Variants in ARSG observed in about 807,000 individuals in gnomAD.
ARSG encodes the protein arylsulfatase G.
ARSG carries 37 observed loss-of-function variants against 50.5 expected under a neutral mutation model. The ratio of observed to expected loss-of-function variants is 0.73; its 90% CI spans 0.56 to 0.96. The LOEUF is 0.96. ARSG is among the 50% of genes least tolerant of loss of function. The probability of loss-of-function intolerance (pLI) is 0.00; values close to 1 mark genes in which losing one functional copy is unlikely to be tolerated. For missense variants in ARSG, 629 were observed against 675.3 expected (o/e 0.93, Z 0.76); for synonymous variants, 225 against 254.6 (o/e 0.88, Z 1.11).
intron 2 of ARSG, among the ~76,000 whole-genome samples, chr17:68,339,087 A>T (rs1568487374): frequency 6.8e-6 from 1 of 148,032 alleles, no homozygotes; most frequent in African/African-American, 2.5e-5. Flanking sequence ...AGTTTGTAGG[A>T]TTTTTTTTTT....
rs776848995 is a variant in ARSG, at chr17:68,420,483, C to T, written c.*20C>T. 4 of 1,600,714 alleles carry T rather than the reference C, an allele frequency of 2.5e-6. No homozygotes were observed. The highest frequency in any genetic ancestry group is 2.2e-5 in the East Asian group (1 of 44,598). On this transcript the variant is annotated 3_prime_UTR_variant, in exon 12 of 12. Coordinates refer to ENST00000621439, the MANE Select transcript of ARSG (RefSeq NM_001267727.2). ...GCATAACAGACCAATTTTTATTCCA[C>T]GAGGAGGAGTACCTGGAAATTAGGC... is the stretch of plus-strand genomic sequence containing the variant.
At chr17:68,427,058 G>A, downstream of ARSG, 1 of 1,228,110 alleles carries the variant, frequency 8.1e-7, no homozygotes, top group Non-Finnish European at 1.2e-6. Flanking sequence ...GAAGGGGGAA[G>A]GGGAGGGAGC....
the ARSG span, among the ~76,000 whole-genome samples, chr17:68,440,549 G>A: frequency 6.6e-6 from 1 of 152,150 alleles, no homozygotes; most frequent in East Asian, 1.9e-4. Flanking sequence ...TCACTGTTCT[G>A]AACATCTGAG....
At chr17:68,272,242 ATT>A (rs1375238250) in intron 1 of ARSG, among the ~76,000 whole-genome samples, 1 of 122,710 alleles carries the variant, frequency 8.1e-6, no homozygotes, top group Non-Finnish European at 1.8e-5. Context: ...TCAGTTACAG[ATT>A]TTGTTTTGAG....
intron 2 of ARSG, among the ~76,000 whole-genome samples, chr17:68,334,963 G>A (rs1432775908): frequency 1.3e-5 from 2 of 152,144 alleles, no homozygotes; most frequent in Non-Finnish European, 2.9e-5. Context: ...ACCTCTCAAT[G>A]GGAGGCATGT....
At chr17:68,392,555 A>T (rs2081044484) in intron 9 of ARSG, among the ~76,000 whole-genome samples, 4 of 152,128 alleles carry the variant, frequency 2.6e-5, no homozygotes. Context: ...GCTGGAGTGC[A>T]GTGGTGCAAT....
chr17:68,433,760 G>GTTTTTTTTTTTTTTTTTTT, the ARSG span, among the ~76,000 whole-genome samples: 1 of 72,814 alleles, frequency 1.4e-5, no homozygotes, highest in Non-Finnish European at 2.3e-5. Context: ...AAGGGTCATA[G>GTTTTTTTTTTTTTTTTTTT]TTTTTTTTTT....
chr17:68,449,556 T>C, the ARSG span, among the ~76,000 whole-genome samples: 4 of 152,124 alleles, frequency 2.6e-5, no homozygotes, highest in Admixed American at 2.6e-4. Context: ...TTTAGTACCA[T>C]CCCCCACCAT....
At chr17:68,411,182 C>T (rs1045295108) in intron 11 of ARSG, among the ~76,000 whole-genome samples, 2 of 152,064 alleles carry the variant, frequency 1.3e-5, no homozygotes, top group African/African-American at 4.8e-5. Flanking sequence ...AATGTGTTTG[C>T]TCTTGCTTTT....
At chr17:68,426,117 C>T (rs199788482), downstream of ARSG, 1,029 of 1,612,626 alleles carry the variant, frequency 6.4e-4, 7 homozygotes, top group South Asian at 2.3e-4. Context: ...CTGGTCCCGT[C>T]GCAAACTCAT....
At chr17:68,322,649 AG>A (rs1407846559) in intron 2 of ARSG, among the ~76,000 whole-genome samples, 3 of 149,814 alleles carry the variant, frequency 2.0e-5, no homozygotes, top group African/African-American at 7.4e-5. Flanking sequence ...TAAAAAAAAA[AG>A]AAATTAAGAT....
intron 2 of ARSG, among the ~76,000 whole-genome samples, chr17:68,340,926 T>A (rs193117170): frequency 9.2e-5 from 14 of 152,308 alleles, no homozygotes; most frequent in African/African-American, 3.4e-4. Context: ...ATAGGTTTTT[T>A]ATTATCTTCT....
chr17:68,336,856 A>G (rs1189816401), intron 2 of ARSG, among the ~76,000 whole-genome samples: 1 of 152,098 alleles, frequency 6.6e-6, no homozygotes, highest in East Asian at 1.9e-4. Context: ...ACTCTGTCTC[A>G]AATAAATAAA....
At chr17:68,296,119 C>T (rs1056652719) in intron 1 of ARSG, among the ~76,000 whole-genome samples, 1 of 152,176 alleles carries the variant, frequency 6.6e-6, no homozygotes, top group African/African-American at 2.4e-5. Context: ...ATTTAAATCA[C>T]ATTACATTTA....
intron 1 of ARSG, among the ~76,000 whole-genome samples, chr17:68,300,613 C>T (rs1021862265): frequency 9.9e-5 from 15 of 152,162 alleles, no homozygotes; most frequent in African/African-American, 3.6e-4. Flanking sequence ...GATCTGTGAG[C>T]GAGGACACAG....
the ARSG span, chr17:68,428,696 A>C: frequency 4.5e-6 from 3 of 673,748 alleles, no homozygotes; most frequent in Non-Finnish European, 7.8e-6. Flanking sequence ...CTTGCCCACT[A>C]GAGGTTTGCC....
At chr17:68,291,229 G>T (rs1207433942), upstream of ARSG, 4 of 151,404 alleles carry the variant, frequency 2.6e-5, no homozygotes, top group African/African-American at 7.3e-5. Flanking sequence ...AAGTTGGCTC[G>T]GGCTGGTGAG....
chr17:68,391,784 T>C (rs553708300), intron 9 of ARSG, among the ~76,000 whole-genome samples: 5 of 152,210 alleles, frequency 3.3e-5, no homozygotes, highest in Non-Finnish European at 7.3e-5. Flanking sequence ...GAGTGCTGAC[T>C]CTGCATTCTT....
At chr17:68,338,202 A>G (rs1169149499) in intron 2 of ARSG, among the ~76,000 whole-genome samples, 2 of 151,826 alleles carry the variant, frequency 1.3e-5, no homozygotes, top group Non-Finnish European at 2.9e-5. Context: ...GTGTGTGTGC[A>G]TGCATGTGTG....
Sources: gnomAD v4.1 joint callset for allele counts (sites outside exome capture counted in the v4.1 genomes callset) on GRCh38, gnomAD v4.1.1 for gene constraint, MANE v1.5 for transcripts, NCBI Gene and HGNC (gene_info 2026-07-23, HGNC 2026-07-21) for gene names.